Variants in MRTFB observed in about 807,000 individuals in gnomAD.
MRTFB encodes myocardin-related transcription factor B.
MRTFB carries 29 observed loss-of-function variants against 104.2 expected under a neutral mutation model. That is an observed-to-expected ratio of 0.28 (90% CI 0.21 to 0.38). MRTFB has a LOEUF of 0.38. MRTFB is among the 10% of genes least tolerant of loss of function. The pLI is 1.00. For synonymous variants in MRTFB, 535 were observed against 519.5 expected, an observed-to-expected ratio of 1.03 and a Z score of -0.41; for missense variants, 1,270 against 1,341.6, an observed-to-expected ratio of 0.95 and a Z score of 0.83.
chr16:14,047,257 G>A, the MRTFB span, among the ~76,000 whole-genome samples: 2 of 152,180 alleles, frequency 1.3e-5, no homozygotes, highest in Admixed American at 6.5e-5. Flanking sequence ...GAGCATGCTG[G>A]TGCTGGTTCT....
chr16:14,154,320 C>T (rs2038742887), intron 3 of MRTFB, among the ~76,000 whole-genome samples: 1 of 151,984 alleles, frequency 6.6e-6, no homozygotes, highest in Admixed American at 6.6e-5. Flanking sequence ...GGTGACAGAG[C>T]GAGACTCATC....
chr16:14,041,321 A>G, the MRTFB span, among the ~76,000 whole-genome samples: 1 of 152,250 alleles, frequency 6.6e-6, no homozygotes, highest in South Asian at 2.1e-4. Flanking sequence ...CTGAAAGTCT[A>G]TACAAATTGA....
In MRTFB at chr16:14,246,587, G is replaced by C. The variant is rs748371457; in HGVS notation, c.1327G>C (p.Ala443Pro). The change falls in exon 12 of 17, where the codon GCT (alanine) becomes CCT (proline). Residue 443 changes from alanine to proline, a missense_variant. Ala to Pro is a conservative substitution (Grantham distance 27). Around this residue, in one of 3 missense-constraint regions of MRTFB, gnomAD observed 1,144 missense variants for 1,131.5 expected, o/e 1.01. Coordinates refer to ENST00000571589, the MANE Select transcript of MRTFB (RefSeq NM_001308142.2). ...YQEVNSSGLA[A>P]GGIVAVSSSA... ...GGAAGTGAACAGCAGCGGCCTTGCTGCTGGGGGCATCGTGGCAGTGTCATC... is the reference window on the plus strand; with the variant it reads ...GGAAGTGAACAGCAGCGGCCTTGCTCCTGGGGGCATCGTGGCAGTGTCATC... The C allele has an allele frequency of 6.2e-7, 1 of 1,614,146 alleles. No homozygotes were observed. The highest frequency in any genetic ancestry group is 1.1e-5 in the South Asian group (1 of 91,080).
chr16:14,244,739 T>C (rs1005923398), intron 10 of MRTFB, among the ~76,000 whole-genome samples: 1 of 152,146 alleles, frequency 6.6e-6, no homozygotes, highest in African/African-American at 2.4e-5. Flanking sequence ...ACTTTTCCAC[T>C]GGGTTTTCTG....
chr16:14,243,039 G>A (rs1371524964), intron 10 of MRTFB, among the ~76,000 whole-genome samples: 1 of 152,160 alleles, frequency 6.6e-6, no homozygotes, highest in Non-Finnish European at 1.5e-5. Flanking sequence ...ACTTCATGGG[G>A]AGAGAGATGT....
the MRTFB span, among the ~76,000 whole-genome samples, chr16:14,046,494 T>C: frequency 1.5e-4 from 23 of 152,206 alleles, no homozygotes; most frequent in Non-Finnish European, 2.5e-4. Flanking sequence ...TCTGTTCTTC[T>C]TCCCACGGTG....
At chr16:14,221,447 A>C (rs2041699895) in intron 8 of MRTFB, among the ~76,000 whole-genome samples, 1 of 152,232 alleles carries the variant, frequency 6.6e-6, no homozygotes, top group South Asian at 2.1e-4. Flanking sequence ...GGGGTCCAGC[A>C]CACAGCAAGT....
Position 14,247,420 on chromosome 16 carries a change from G to T in MRTFB, c.2160G>T (p.Thr720=), listed in dbSNP as rs564835700. Residue 720 remains threonine (T), a synonymous_variant, in exon 12 of 17, where the codon ACG becomes ACT. Transcript: ENST00000571589. ...VVAQPQALLT[T]QTAQLLLPVS... ...CTCAGCCCCAGGCTTTACTGACCAC[G>T]CAGACTGCTCAGCTGCTGCTCCCAG... 1.2e-6 allele frequency: 2 copies of T among 1,611,094 alleles called. No homozygotes were observed. The highest frequency in any genetic ancestry group is 1.1e-5 in the South Asian group (1 of 90,980).
intron 3 of MRTFB, among the ~76,000 whole-genome samples, chr16:14,208,148 T>C (rs1048690326): frequency 2.0e-5 from 3 of 152,220 alleles, no homozygotes; most frequent in Non-Finnish European, 4.4e-5. Context: ...GGTACCTTTC[T>C]TTCCATGTTA....
At position 14,240,307 on chromosome 16, in the gene MRTFB, A is replaced by G; in HGVS notation, c.902A>G (p.Lys301Arg). 5 of 1,614,174 alleles carry G rather than the reference A, an allele frequency of 3.1e-6. No homozygotes were observed. Among genetic ancestry groups the G allele is most frequent in the Non-Finnish European group, 4.2e-6 (5 of 1,180,016 alleles). Residue 301 changes from lysine to arginine, a missense_variant, in exon 10 of 17, where the codon AAG becomes AGG. This residue lies in a region of MRTFB where 1,144 missense variants were observed against 1,131.5 expected (regional missense o/e 1.01). Coordinates refer to ENST00000571589, the MANE Select transcript of MRTFB (RefSeq NM_001308142.2). The stretch of plus-strand genomic sequence containing the variant: ...TGCAAAGATCCCAAACCACGGGTAA[A>G]GAAGTTAAAGTACCACCAATACATT... The part of the protein sequence containing the change: ...KKCKDPKPRV[K>R]KLKYHQYIPP...
chr16:14,232,771 G>C (rs2042322054), intron 8 of MRTFB, among the ~76,000 whole-genome samples: 1 of 152,198 alleles, frequency 6.6e-6, no homozygotes, highest in Non-Finnish European at 1.5e-5. Context: ...ATATTTGTTT[G>C]AGTTAACTAG....
rs536695217 is a variant in MRTFB at position 14,265,936 on chromosome 16, T to A, written c.*4492T>A. The A allele has an allele frequency of 4.4e-4, 67 of 152,344 alleles. No individual in the cohort carries two copies. Among genetic ancestry groups the A allele is most frequent in the African/African-American group, 1.6e-3 (66 of 41,584 alleles). 9.4% of individuals were successfully genotyped at this position (152,344 alleles called of 1,614,324 possible). On this transcript the variant is annotated 3_prime_UTR_variant, in exon 17 of 17. Transcript: ENST00000571589. ...AGCTTTAACAAAGTTTATAGAATAC[T>A]GAAACTCGTAACAATTACCTCTCTA...
At chr16:14,215,194 T>C (rs1323513481) in intron 6 of MRTFB, among the ~76,000 whole-genome samples, 1 of 152,256 alleles carries the variant, frequency 6.6e-6, no homozygotes, top group African/African-American at 2.4e-5. Context: ...TAAATCTTTT[T>C]TTAAGACTAC....
chr16:14,236,374 G>C (rs1353625909), intron 9 of MRTFB, among the ~76,000 whole-genome samples: 1 of 152,154 alleles, frequency 6.6e-6, no homozygotes, highest in Non-Finnish European at 1.5e-5. Context: ...TTCATTTGTT[G>C]AACGGATACT....
At chr16:14,054,407 G>C in the MRTFB span, among the ~76,000 whole-genome samples, 3 of 151,958 alleles carry the variant, frequency 2.0e-5, no homozygotes, top group Non-Finnish European at 4.4e-5. Flanking sequence ...AGTAGAGATG[G>C]AGTTTTACCA....
chr16:14,209,733 A>G (rs1474558273), intron 3 of MRTFB, among the ~76,000 whole-genome samples: 2 of 152,162 alleles, frequency 1.3e-5, no homozygotes, highest in Non-Finnish European at 2.9e-5. Context: ...TAAACTTTAA[A>G]TTCCTAATTT....
rs933679187 is a variant in MRTFB at position 14,081,073 on chromosome 16, C to T, written c.-64+1719C>T. On this transcript the variant is annotated intron_variant, in intron 2 of 16. Transcript: ENST00000571589. ...TTCATTTTTAATTTATTTCAGAAAC[C>T]CCCACACTGTTTTCCATAATGGCAA... 6.6e-5 allele frequency among the ~76,000 whole-genome samples: 10 copies of T among 151,858 alleles called. No individual in the cohort carries two copies. The East Asian group carries it at 1.9e-3, about 29-fold the overall frequency.
chr16:14,197,680 T>A (rs974298075), intron 3 of MRTFB, among the ~76,000 whole-genome samples: 1 of 152,176 alleles, frequency 6.6e-6, no homozygotes, highest in Non-Finnish European at 1.5e-5. Flanking sequence ...TTGTGGAAGG[T>A]GCTAGAAATA....
At chr16:14,187,688 C>G (rs1323386393) in intron 3 of MRTFB, among the ~76,000 whole-genome samples, 4 of 152,228 alleles carry the variant, frequency 2.6e-5, no homozygotes, top group Non-Finnish European at 5.9e-5. Flanking sequence ...AATAGCCAAA[C>G]ATGTGGACAT....
Sources: allele counts gnomAD v4.1 joint callset (sites outside exome capture counted in the v4.1 genomes callset), GRCh38; gene constraint gnomAD v4.1.1; regional missense constraint gnomAD v4.1.1; transcripts MANE v1.5; gene names NCBI Gene and HGNC (gene_info 2026-07-23, HGNC 2026-07-21).